GNAZ: variants seen among roughly 807,000 people sequenced by gnomAD.
The protein encoded by GNAZ is guanine nucleotide-binding protein G(z) subunit alpha.
In GNAZ, 3 loss-of-function variants were observed where a neutral mutation model predicts 25.4. The observed-to-expected ratio is 0.12, with a 90% CI of 0.05 to 0.30. GNAZ has a LOEUF of 0.30. Among genes scored for constraint, GNAZ ranks in the 10% least tolerant of loss-of-function variants. The probability of loss-of-function intolerance (pLI) is 1.00; values close to 1 mark genes in which losing one functional copy is unlikely to be tolerated. For synonymous variants in GNAZ, 211 were observed against 205.7 expected, an observed-to-expected ratio of 1.03 and a Z score of -0.22; for missense variants, 241 against 501.8, an observed-to-expected ratio of 0.48 and a Z score of 4.97.
At chr22:23,107,873 C>T (rs1241156196) in intron 2 of GNAZ, among the ~76,000 whole-genome samples, 1 of 152,200 alleles carries the variant, frequency 6.6e-6, no homozygotes, top group Non-Finnish European at 1.5e-5. Flanking sequence ...CATTGACCGA[C>T]GAAGCCACAG....
chr22:23,103,234 G>A (rs1233018059), intron 2 of GNAZ, among the ~76,000 whole-genome samples: 2 of 152,164 alleles, frequency 1.3e-5, no homozygotes, highest in African/African-American at 2.4e-5. Flanking sequence ...AGCCAGGTAG[G>A]AGTAATCACA....
At chr22:23,093,981 G>A (rs1012339004) in intron 1 of GNAZ, among the ~76,000 whole-genome samples, 1 of 152,184 alleles carries the variant, frequency 6.6e-6, no homozygotes, top group Non-Finnish European at 1.5e-5. Flanking sequence ...TGAGGGGCAC[G>A]GATGGCTGCT....
chr22:23,073,801 C>G (rs1380977914), intron 1 of GNAZ, among the ~76,000 whole-genome samples: 1 of 152,180 alleles, frequency 6.6e-6, no homozygotes, highest in East Asian at 1.9e-4. Context: ...GTGCCAGGTG[C>G]AGGGGTACAG....
rs2070085037 is a variant in GNAZ at position 23,123,326 on chromosome 22, C to T, written c.963C>T (p.Tyr321=). 6.2e-7 allele frequency: 1 copy of T among 1,613,970 alleles called. No individual in the cohort carries two copies. Among genetic ancestry groups the T allele is most frequent in the African/African-American group, 1.3e-5 (1 of 75,044 alleles). The change falls in exon 3 of 3, where the codon TAC becomes TAT. Residue 321 remains tyrosine (Y), a synonymous_variant. Transcript: ENST00000615612. ...LNRNKETKEI[Y]SHFTCATDTS... is the part of the protein sequence containing the mutation. ...GCAACAAGGAGACCAAGGAGATCTA[C>T]TCCCACTTCACCTGCGCCACCGACA...
At chr22:23,102,118 C>G (rs555173469) in intron 2 of GNAZ, among the ~76,000 whole-genome samples, 8 of 152,350 alleles carry the variant, frequency 5.3e-5, no homozygotes, top group African/African-American at 1.9e-4. Context: ...ACCGGCTCCC[C>G]GCATCCAAGT....
At chr22:23,076,558 A>G (rs1483718135) in intron 1 of GNAZ, among the ~76,000 whole-genome samples, 3 of 152,196 alleles carry the variant, frequency 2.0e-5, no homozygotes, top group Non-Finnish European at 2.9e-5. Flanking sequence ...GGATGCTACC[A>G]GCTGGGCCCC....
chr22:23,118,192 C>G (rs2069905391), intron 2 of GNAZ, among the ~76,000 whole-genome samples: 1 of 152,204 alleles, frequency 6.6e-6, no homozygotes, highest in Admixed American at 6.5e-5. Context: ...CCACACCACC[C>G]CAGGGACTGC....
chr22:23,105,969 G>T lies in GNAZ; in HGVS notation c.723+9551G>T, dbSNP rs117039490. Among the ~76,000 whole-genome samples, 11 of 152,284 alleles carry T rather than the reference G, an allele frequency of 7.2e-5. No homozygotes were observed. The South Asian group carries it at 8.3e-4, about 11-fold the overall frequency. On this transcript the variant is annotated intron_variant, in intron 2 of 2. Coordinates refer to ENST00000615612, the MANE Select transcript of GNAZ (RefSeq NM_002073.4). ...AGGGTGCCCACGGCCTCCCTTTCTG[G>T]GTCTGGGTGTGAAGCCAGGGAGCAG...
chr22:23,097,453 C>T (rs1340463791), intron 2 of GNAZ, among the ~76,000 whole-genome samples: 1 of 152,232 alleles, frequency 6.6e-6, no homozygotes. Flanking sequence ...GAGAGAGGAT[C>T]TTTGGCTTTC....
chr22:23,116,969 C>T (rs2069858575), intron 2 of GNAZ, among the ~76,000 whole-genome samples: 1 of 152,188 alleles, frequency 6.6e-6, no homozygotes, highest in Non-Finnish European at 1.5e-5. Flanking sequence ...CCCATGAGCT[C>T]TCAGACCAGC....
chr22:23,092,385 C>T (rs1347298242), intron 1 of GNAZ, among the ~76,000 whole-genome samples: 1 of 152,172 alleles, frequency 6.6e-6, no homozygotes, highest in Admixed American at 6.5e-5. Context: ...GCACAGGGCG[C>T]TCATACCCCC....
chr22:23,108,349 G>A (rs560228958), intron 2 of GNAZ, among the ~76,000 whole-genome samples: 1 of 152,372 alleles, frequency 6.6e-6, no homozygotes, highest in Non-Finnish European at 1.5e-5. Context: ...AAATTAAAAG[G>A]GTTGGGGTTG....
At chr22:23,072,634 C>T (rs1368450015) in intron 1 of GNAZ, among the ~76,000 whole-genome samples, 2 of 152,224 alleles carry the variant, frequency 1.3e-5, no homozygotes, top group Admixed American at 6.5e-5. Context: ...GTTGATGCAG[C>T]GAGAACAGGG....
intron 2 of GNAZ, among the ~76,000 whole-genome samples, chr22:23,108,318 T>A (rs1036578454): frequency 2.6e-5 from 4 of 152,234 alleles, no homozygotes; most frequent in Non-Finnish European, 5.9e-5. Context: ...CAGGGGCCAA[T>A]GGTGCTAAAA....
chr22:23,103,747 G>A lies in GNAZ; in HGVS notation c.723+7329G>A, dbSNP rs577896545. 1.8e-3 allele frequency among the ~76,000 whole-genome samples: 270 copies of A among 152,328 alleles called. 1 individual carries two copies. The highest frequency in any genetic ancestry group is 4.9e-3 in the African/African-American group (202 of 41,562). On this transcript the variant is annotated intron_variant, in intron 2 of 2. Coordinates refer to ENST00000615612, the MANE Select transcript of GNAZ (RefSeq NM_002073.4). ...AGTCCTTGTTCACCCAGTATGTGTGGGCCCTGGGCCTGACAAACTCAGTCT... is the reference window on the plus strand; with the variant it reads ...AGTCCTTGTTCACCCAGTATGTGTGAGCCCTGGGCCTGACAAACTCAGTCT...
chr22:23,072,870 G>C (rs1355392676), intron 1 of GNAZ, among the ~76,000 whole-genome samples: 1 of 152,242 alleles, frequency 6.6e-6, no homozygotes, highest in Non-Finnish European at 1.5e-5. Context: ...CCTGGTGCAG[G>C]AGTATGGGTG....
chr22:23,098,587 A>G (rs1415015121), intron 2 of GNAZ, among the ~76,000 whole-genome samples: 1 of 152,184 alleles, frequency 6.6e-6, no homozygotes, highest in Non-Finnish European at 1.5e-5. Context: ...TGGCACACCC[A>G]CCACCATCAC....
intron 1 of GNAZ, among the ~76,000 whole-genome samples, chr22:23,073,085 C>T (rs1333805365): frequency 6.6e-6 from 1 of 152,250 alleles, no homozygotes; most frequent in African/African-American, 2.4e-5. Context: ...GCAAGGAAGG[C>T]AGCCCTGTGC....
At chr22:23,085,340 T>C (rs529495801) in intron 1 of GNAZ, among the ~76,000 whole-genome samples, 11 of 152,140 alleles carry the variant, frequency 7.2e-5, no homozygotes, top group Admixed American at 3.3e-4. Context: ...CAGACTCAGC[T>C]TGTTCCCCAC....
Sources: gnomAD v4.1 joint callset for allele counts (sites outside exome capture counted in the v4.1 genomes callset) on GRCh38, gnomAD v4.1.1 for gene constraint, MANE v1.5 for transcripts, NCBI Gene and HGNC (gene_info 2026-07-23, HGNC 2026-07-21) for gene names.